The following CA5B variants were observed in gnomAD, a reference collection of about 807,000 sequenced individuals.
The protein encoded by CA5B is carbonic anhydrase 5B.
CA5B carries 15 observed loss-of-function variants against 23.1 expected under a neutral mutation model. That is an observed-to-expected ratio of 0.65 (90% CI 0.43 to 1.00). The LOEUF (loss-of-function observed/expected upper bound fraction) is 1.00. CA5B is among the 50% of genes least tolerant of loss of function. The probability of loss-of-function intolerance (pLI) is 0.00; values close to 1 mark genes in which losing one functional copy is unlikely to be tolerated. For synonymous variants in CA5B, 84 were observed against 98.5 expected (o/e 0.85, Z 0.87); for missense variants, 236 against 252.2 (o/e 0.94, Z 0.43).
In CA5B at chrX:15,750,128, C is replaced by CCT; in HGVS notation, c.108_109dup (p.Tyr37SerfsTer45). The CCT allele has an allele frequency of 8.3e-7, 1 of 1,211,487 alleles. No individual in the cohort carries two copies. The highest frequency in any genetic ancestry group is 1.1e-6 in the Non-Finnish European group (1 of 895,282). The stretch of plus-strand genomic sequence containing the variant: ...GATTCATGCCAGCGAGGCCCTGCAG[C>CCT]CTCTATACTTGTACTTACAAAACCC... On this transcript the variant is annotated frameshift_variant, in exon 2 of 8. Transcript: ENST00000318636. LOFTEE classifies it high-confidence loss of function.
intron 4 of CA5B, 55 bp downstream of exon 4, chrX:15,772,669 G>T: frequency 2.9e-6 from 2 of 678,924 alleles, no homozygotes; most frequent in East Asian, 3.4e-5. Context: ...GGATAATTCT[G>T]AACTTTTAGT....
chrX:15,788,333 CTA>C lies in CA5B; in HGVS notation c.*5671_*5672del, dbSNP rs2147273499. The C allele has an allele frequency of 8.9e-6, 1 of 112,161 alleles. No homozygotes were observed. Among genetic ancestry groups the C allele is most frequent in the African/African-American group, 3.2e-5 (1 of 30,913 alleles). The allele number at this position is 112,161 out of a possible 1,213,427, so 9.2% of individuals were successfully genotyped here. Reference sequence around the variant, plus strand: ...ACAGCTAAAGTTTTGGAGGCATTCACTATTGCTAGGCACTGTATCAGCATATA... The same window carrying C: ...ACAGCTAAAGTTTTGGAGGCATTCACTTGCTAGGCACTGTATCAGCATATA... On this transcript the variant is annotated 3_prime_UTR_variant, in exon 8 of 8. Coordinates refer to ENST00000318636, the MANE Select transcript of CA5B (RefSeq NM_007220.4).
rs1471537331 is a variant in CA5B at position 15,785,171 on chromosome X, T to G, written c.*2507T>G. 8.9e-6 allele frequency: 1 copy of G among 111,770 alleles called. No homozygotes were observed. The highest frequency in any genetic ancestry group is 1.9e-5 in the Non-Finnish European group (1 of 53,174). 9.2% of individuals were successfully genotyped at this position (111,770 alleles called of 1,213,427 possible). A position where few individuals can be genotyped will look rare whatever the true frequency, so the allele number is the denominator to read the frequency against. ...CAAATAACTGAAAACAGAATTACCA[T>G]AAGAATTACCACCAAAGCGGGATCT... On this transcript the variant is annotated 3_prime_UTR_variant, in exon 8 of 8. Coordinates refer to ENST00000318636, the MANE Select transcript of CA5B (RefSeq NM_007220.4).
Position 15,782,659 on chromosome X carries a change from C to T in CA5B, c.949C>T (p.Pro317Ser), listed in dbSNP as rs760825650. The T allele has an allele frequency of 3.1e-5, 37 of 1,181,565 alleles. No individual in the cohort carries two copies. The highest frequency in any genetic ancestry group is 4.0e-5 in the Non-Finnish European group (35 of 881,420). Residue 317 changes from proline (P) to serine (S), a missense_variant, in exon 8 of 8, where the codon CCC becomes TCC. Pro to Ser is a moderately conservative substitution (Grantham distance 74). Around this residue, in one of 3 missense-constraint regions of CA5B, gnomAD observed 170 missense variants for 162.0 expected, o/e 1.05. Coordinates refer to ENST00000318636, the MANE Select transcript of CA5B (RefSeq NM_007220.4). ...CAAGCCGGCCACCAGCCAAGCAACC[C>T]CCTAAAACATTCATATCTAGGCAGT... ...KPKPATSQAT[P>S]
chrX:15,751,293 T>C (rs1005962504), intron 2 of CA5B, among the ~76,000 whole-genome samples: 1 of 112,451 alleles, frequency 8.9e-6, no homozygotes, highest in African/African-American at 3.2e-5. Flanking sequence ...TGTAAATTAG[T>C]AATGCTAATC....
At chrX:15,757,975 C>T (rs925912204) in intron 2 of CA5B, among the ~76,000 whole-genome samples, 2 of 110,846 alleles carry the variant, frequency 1.8e-5, no homozygotes, top group African/African-American at 6.6e-5. Flanking sequence ...TGCTGAGTGG[C>T]AGAACTCAGG....
intron 2 of CA5B, among the ~76,000 whole-genome samples, chrX:15,759,783 C>G (rs1931565834): frequency 1.3e-5 from 1 of 75,540 alleles, no homozygotes; most frequent in Non-Finnish European, 2.3e-5. Context: ...GAGTCTTGAC[C>G]TGTCGCCCTG....
At position 15,786,261 on chromosome X, in the gene CA5B, C is replaced by G. The variant is rs200213506; in HGVS notation, c.*3597C>G. The G allele has an allele frequency of 2.3e-5, 2 of 86,019 alleles. No individual in the cohort carries two copies. The highest frequency in any genetic ancestry group is 7.1e-5 in the African/African-American group (2 of 27,995). The allele number at this position is 86,019 out of a possible 1,213,427, so 7.1% of individuals were successfully genotyped here. On this transcript the variant is annotated 3_prime_UTR_variant, in exon 8 of 8. Transcript: ENST00000318636. ...CAATGTACAGAATGCCTGACTTGCCCTTACATCTTATACCTGGTGTTCTGG... is the reference window on the plus strand; with the variant it reads ...CAATGTACAGAATGCCTGACTTGCCGTTACATCTTATACCTGGTGTTCTGG...
chrX:15,770,436 C>T (rs994068647), intron 3 of CA5B, among the ~76,000 whole-genome samples: 1 of 111,940 alleles, frequency 8.9e-6, no homozygotes, highest in Non-Finnish European at 1.9e-5. Flanking sequence ...CTACCTGCCC[C>T]ATTTCTTTGT....
intron 3 of CA5B, among the ~76,000 whole-genome samples, chrX:15,767,988 T>G (rs954110859): frequency 3.1e-5 from 3 of 96,833 alleles, no homozygotes; most frequent in African/African-American, 1.2e-4. Flanking sequence ...AACCTTCACC[T>G]CCTGGCTTCA....
At chrX:15,779,959 A>C (rs1484980472) in intron 7 of CA5B, among the ~76,000 whole-genome samples, 3 of 112,258 alleles carry the variant, frequency 2.7e-5, no homozygotes, top group Non-Finnish European at 5.6e-5. Flanking sequence ...TTTATTTTTC[A>C]ATTATATAAT....
intron 1 of CA5B, among the ~76,000 whole-genome samples, chrX:15,746,670 A>G (rs1268781213): frequency 9.0e-6 from 1 of 111,391 alleles, no homozygotes; most frequent in Non-Finnish European, 1.9e-5. Flanking sequence ...CCGAGCATCC[A>G]GGGATCAGTT....
rs182611439 is a variant in CA5B at position 15,782,823 on chromosome X, C to T, written c.*159C>T. 7.6e-4 allele frequency: 304 copies of T among 397,412 alleles called. 1 individual carries two copies. In the Middle Eastern group the frequency reaches 9.0e-3, roughly 12 times the overall value. The allele number at this position is 397,412 out of a possible 1,213,427, so 32.8% of individuals were successfully genotyped here. On this transcript the variant is annotated 3_prime_UTR_variant, in exon 8 of 8. Coordinates refer to ENST00000318636, the MANE Select transcript of CA5B (RefSeq NM_007220.4). ...TCATCAGTCTTTGAGGAAGGCTATT[C>T]GGTACCAGCAAGAGACACAAGTTTC...
In CA5B at chrX:15,774,348, A is replaced by C; in HGVS notation, c.506A>C (p.Asp169Ala). 1.2e-5 allele frequency: 14 copies of C among 1,210,141 alleles called. No individual in the cohort carries two copies. Among genetic ancestry groups the C allele is most frequent in the Non-Finnish European group, 1.6e-5 (14 of 894,827 alleles). Reference sequence around the variant, plus strand: ...GCAGTCAGATTTGAAAACTTTGAGGATGCAGCACTGGAAGAAAATGGTTTG... The same window carrying C: ...GCAGTCAGATTTGAAAACTTTGAGGCTGCAGCACTGGAAGAAAATGGTTTG... ...WNAVRFENFE[D>A]AALEENGLAV... The change falls in exon 5 of 8, where the codon GAT (aspartate) becomes GCT (alanine). Residue 169 changes from aspartate to alanine, a missense_variant. This residue lies in a region of CA5B where 170 missense variants were observed against 162.0 expected (regional missense o/e 1.05). Transcript: ENST00000318636.
rs1932118098 is a variant in CA5B at position 15,786,362 on chromosome X, T to C, written c.*3698T>C. The C allele has an allele frequency of 1.8e-5, 2 of 111,503 alleles. No homozygotes were observed. Among genetic ancestry groups the C allele is most frequent in the African/African-American group, 6.5e-5 (2 of 30,621 alleles). 9.2% of individuals were successfully genotyped at this position (111,503 alleles called of 1,213,427 possible). A position where few individuals can be genotyped will look rare whatever the true frequency, so the allele number is the denominator to read the frequency against. On this transcript the variant is annotated 3_prime_UTR_variant, in exon 8 of 8. Coordinates refer to ENST00000318636, the MANE Select transcript of CA5B (RefSeq NM_007220.4). ...ATGGCCAGCTTCCCTGCAGAGGTGA[T>C]AGAAACTGACTTGAGGCAGTTTCTT...
chrX:15,738,916 C>T (rs1931064170), intron 1 of CA5B, among the ~76,000 whole-genome samples: 1 of 111,931 alleles, frequency 8.9e-6, no homozygotes, highest in African/African-American at 3.3e-5. Flanking sequence ...AGCATCACAA[C>T]TGTGCCATGC....
intron 1 of CA5B, among the ~76,000 whole-genome samples, chrX:15,742,479 T>G (rs1931141780): frequency 8.9e-6 from 1 of 112,482 alleles, no homozygotes; most frequent in Admixed American, 9.4e-5. Flanking sequence ...GTTCAAGCAA[T>G]TCTCCTGCCT....
intron 2 of CA5B, among the ~76,000 whole-genome samples, chrX:15,759,838 C>T: frequency 9.8e-6 from 1 of 101,622 alleles, no homozygotes; most frequent in Non-Finnish European, 2.0e-5. Flanking sequence ...CTGCAGCCTC[C>T]ACCTCCTGGT....
chrX:15,774,705 G>A (rs902351376), intron 5 of CA5B, among the ~76,000 whole-genome samples: 1 of 111,074 alleles, frequency 9.0e-6, no homozygotes, highest in African/African-American at 3.3e-5. Context: ...ATAGTGGTGC[G>A]CACCTGTAAT....
Sources: gnomAD v4.1 joint callset for allele counts (sites outside exome capture counted in the v4.1 genomes callset) on GRCh38, gnomAD v4.1.1 for gene constraint, gnomAD v4.1.1 regional missense constraint, MANE v1.5 for transcripts, NCBI Gene and HGNC (gene_info 2026-07-23, HGNC 2026-07-21) for gene names.